The following CLCN2 variants were observed in gnomAD, a reference collection of about 807,000 sequenced individuals.
The protein encoded by CLCN2 is chloride channel protein 2.
CLCN2 carries 72 observed loss-of-function variants against 108.3 expected under a neutral mutation model. The ratio of observed to expected loss-of-function variants is 0.66; its 90% CI spans 0.55 to 0.81. The LOEUF is 0.81. Ranked by LOEUF, CLCN2 falls within the 30% of genes least tolerant of loss-of-function variation. CLCN2 has a pLI of 0.00. For missense variants in CLCN2, 1,048 were observed against 1,205.2 expected (o/e 0.87, Z 1.93); for synonymous variants, 471 against 467.1 (o/e 1.01, Z -0.11).
intron 22 of CLCN2, chr3:184,347,267 G>C (rs1727745894): frequency 1.8e-6 from 1 of 567,700 alleles, no homozygotes; most frequent in Non-Finnish European, 3.2e-6. Context: ...GGAGAAATAG[G>C]ATGGGGGAGT....
rs762541313 is a variant in CLCN2 at position 184,357,982 on chromosome 3, C to T, written c.595G>A (p.Gly199Arg). 1.2e-5 allele frequency: 20 copies of T among 1,613,944 alleles called. No homozygotes were observed. Among genetic ancestry groups the T allele is most frequent in the Middle Eastern group, 1.6e-4 (1 of 6,084 alleles). The change falls in exon 5 of 24, where the codon GGG becomes AGG. Residue 199 changes from glycine (G) to arginine (R), a missense_variant. Transcript: ENST00000265593. ...GTTACCTCTTTGCCAAGCGGCATCC[C>T]GCTGCCTAGGGCGCAGGTCAGCCCA... is the stretch of plus-strand genomic sequence containing the variant. The part of the protein sequence containing the change: ...VIGLTCALGS[G>R]MPLGKEGPFV...
chr3:184,353,931 C>T, intron 15 of CLCN2, 136 bp from the exon 16 acceptor site: 1 of 1,446,838 alleles, frequency 6.9e-7, no homozygotes, highest in South Asian at 1.2e-5. Context: ...GGTGCTCCCA[C>T]CCTTCTTTCT....
intron 10 of CLCN2, chr3:184,356,366 G>A (rs1023446413): frequency 4.2e-5 from 7 of 165,398 alleles, no homozygotes; most frequent in Admixed American, 5.6e-5. Context: ...AATCTCGGCC[G>A]GGCACAGTGG....
rs747184834 is a variant in CLCN2 at position 184,346,617 on chromosome 3, TGTC to T, written c.2683_2685del (p.Asp895del). 1.2e-6 allele frequency: 2 copies of T among 1,614,022 alleles called. No homozygotes were observed. Among genetic ancestry groups the T allele is most frequent in the East Asian group, 4.5e-5 (2 of 44,862 alleles). On this transcript the variant is annotated inframe_deletion, in exon 24 of 24. Transcript: ENST00000265593. This position sits in a 1 kb window ranked among gnomAD's most constrained non-coding sequence, Gnocchi z 6.0. ...CACCCACGAGGGGCTCATTGGCATT[TGTC>T]GTCGCTGTCGGAAGGGCTGCCCTCC... is the stretch of plus-strand genomic sequence containing the variant.
chr3:184,357,813 C>T lies in CLCN2; in HGVS notation c.659G>A (p.Ser220Asn), dbSNP rs1408624169. Residue 220 changes from serine (S) to asparagine (N), a missense_variant, in exon 6 of 24, where the codon AGC (serine) becomes AAC (asparagine). By Grantham distance (46) the Ser-to-Asn change is conservative. Coordinates refer to ENST00000265593, the MANE Select transcript of CLCN2 (RefSeq NM_004366.6). ...HIASMCAALL[S>N]KFLSLFGGIY... ...ACCCCCAAAGAGGGAGAGGAACTTGCTGAGAAGGGCAGCACACATGCTTGC... is the reference window on the plus strand; with the variant it reads ...ACCCCCAAAGAGGGAGAGGAACTTGTTGAGAAGGGCAGCACACATGCTTGC... The T allele has an allele frequency of 1.2e-6, 2 of 1,613,834 alleles. No individual in the cohort carries two copies. The highest frequency in any genetic ancestry group is 2.7e-5 in the African/African-American group (2 of 74,914).
chr3:184,347,107 G>A lies in CLCN2; in HGVS notation c.2416-86C>T, dbSNP rs529487966. 5.3e-6 allele frequency: 6 copies of A among 1,142,462 alleles called. No homozygotes were observed. The Admixed American group carries it at 8.4e-5, about 16-fold the overall frequency. The allele number at this position is 1,142,462 out of a possible 1,614,324, so 70.8% of individuals were successfully genotyped here. A position where few individuals can be genotyped will look rare whatever the true frequency, so the allele number is the denominator to read the frequency against. On this transcript the variant is annotated intron_variant, in intron 22 of 23. Coordinates refer to ENST00000265593, the MANE Select transcript of CLCN2 (RefSeq NM_004366.6). Reference sequence around the variant, plus strand: ...GCCACAGGGGCCCAGGACAAGGTTGGTGTGGAATAGGAGGGGTGCCCCAGA... The same window carrying A: ...GCCACAGGGGCCCAGGACAAGGTTGATGTGGAATAGGAGGGGTGCCCCAGA...
rs1239247798 is a variant in CLCN2, at chr3:184,361,529, G to C, written c.-50C>G. The C allele has an allele frequency of 4.4e-6, 7 of 1,594,808 alleles. No homozygotes were observed. The highest frequency in any genetic ancestry group is 5.1e-6 in the Non-Finnish European group (6 of 1,173,112). On this transcript the variant is annotated 5_prime_UTR_variant, in exon 1 of 24. Transcript: ENST00000265593. This position sits in a 1 kb window ranked among gnomAD's most constrained non-coding sequence, Gnocchi z 6.6. ...CCTCGGCGGTTCCGGCTCTGTCCTG[G>C]ACTCGGCTCCCGGCCCGCAAAGTCC...
chr3:184,354,635 C>G lies in CLCN2; in HGVS notation c.1420G>C (p.Gly474Arg). ...GGGAACCAGGCAGCCATGCTTTCAC[C>G]CACCAGACGCCCAAATGCTGCTCCT... The part of the protein sequence containing the change: ...VIGAAFGRLV[G>R]ESMAAWFPDG... Residue 474 changes from glycine (G) to arginine (R), a missense_variant, in exon 14 of 24, where the codon GGT becomes CGT. Coordinates refer to ENST00000265593, the MANE Select transcript of CLCN2 (RefSeq NM_004366.6). The G allele has an allele frequency of 1.9e-6, 3 of 1,612,052 alleles. No individual in the cohort carries two copies. Among genetic ancestry groups the G allele is most frequent in the Non-Finnish European group, 2.5e-6 (3 of 1,179,730 alleles).
Position 184,353,291 on chromosome 3 carries a change from G to C in CLCN2, c.1987C>G (p.Gln663Glu). The C allele has an allele frequency of 6.2e-7, 1 of 1,613,856 alleles. No homozygotes were observed. The change falls in exon 17 of 24, where the codon CAG becomes GAG. Residue 663 changes from glutamine to glutamate, a missense_variant. By Grantham distance (29) the Gln-to-Glu change is conservative. Transcript: ENST00000265593. ...RATQTSPLSD[Q>E]EGPPTPEASV... is the part of the protein sequence containing the mutation. Reference sequence around the variant, plus strand: ...GCCTCAGGGGTAGGGGGACCCTCCTGATCAGATAGTGGAGAGGTCTGGGTG... The same window carrying C: ...GCCTCAGGGGTAGGGGGACCCTCCTCATCAGATAGTGGAGAGGTCTGGGTG...
At position 184,353,751 on chromosome 3, in the gene CLCN2, G is replaced by A; in HGVS notation, c.1766C>T (p.Pro589Leu). 1.2e-6 allele frequency: 2 copies of A among 1,607,310 alleles called. No individual in the cohort carries two copies. The highest frequency in any genetic ancestry group is 1.7e-6 in the Non-Finnish European group (2 of 1,177,414). The change falls in exon 16 of 24, where the codon CCC (proline) becomes CTC (leucine). Residue 589 changes from proline (P) to leucine (L), a missense_variant. Coordinates refer to ENST00000265593, the MANE Select transcript of CLCN2 (RefSeq NM_004366.6). ...GAAGGTGCAGCTGAGGGCCACATGG[G>A]GAACATCCCGCACCATGATGTCCTC... The part of the protein sequence containing the change: ...RVEDIMVRDV[P>L]HVALSCTFRD...
At chr3:184,352,153 T>C in intron 21 of CLCN2, 36 bp from the exon 22 acceptor site, 2 of 1,593,662 alleles carry the variant, frequency 1.3e-6, no homozygotes, top group Non-Finnish European at 1.7e-6. Context: ...AGGGAGAAGG[T>C]GCCTGTAGCT....
chr3:184,359,487 G>A (rs1711692023), intron 1 of CLCN2, among the ~76,000 whole-genome samples: 1 of 152,318 alleles, frequency 6.6e-6, no homozygotes, highest in African/African-American at 2.4e-5. Context: ...TGGGAGGCGG[G>A]AAGGCCAGGG....
rs193280248 is a variant in CLCN2, at chr3:184,355,185, G to A, written c.1326+189C>T. 945 of 795,232 alleles carry A rather than the reference G, an allele frequency of 1.2e-3. 2 individuals carry two copies. Among genetic ancestry groups the A allele is most frequent in the Middle Eastern group, 1.7e-3 (5 of 2,864 alleles). The allele number at this position is 795,232 out of a possible 1,614,324, so 49.3% of individuals were successfully genotyped here. On this transcript the variant is annotated intron_variant, in intron 12 of 23. Coordinates refer to ENST00000265593, the MANE Select transcript of CLCN2 (RefSeq NM_004366.6). The surrounding 1 kb of genome is among the most constrained non-coding windows in gnomAD (Gnocchi z 6.3). ...GCAGATGGCTTGGGTTCAGATCATC[G>A]CTCTGCCCTCTAGCTGTGTGACTTT...
intron 22 of CLCN2, chr3:184,347,499 A>G (rs1013539806): frequency 3.5e-6 from 1 of 288,456 alleles, no homozygotes; most frequent in Non-Finnish European, 6.7e-6. Context: ...GTCACTTTTC[A>G]TCACACCGGA....
At chr3:184,352,414 C>T (rs764865032) in intron 20 of CLCN2, 29 bp downstream of exon 20, 29 of 1,612,852 alleles carry the variant, frequency 1.8e-5, no homozygotes, top group Non-Finnish European at 2.4e-5. Context: ...CCGGTGCCGC[C>T]GAGATGCTAG....
Position 184,346,804 on chromosome 3 carries a change from G to C in CLCN2, c.2503-4C>G. Reference sequence around the variant, plus strand: ...AGCCCTCGATGGCCTTCCGGAGCTGGAAAGGTGAGAGGGACAGATGTCTGG... The same window carrying C: ...AGCCCTCGATGGCCTTCCGGAGCTGCAAAGGTGAGAGGGACAGATGTCTGG... On this transcript the variant is annotated splice_polypyrimidine_tract_variant and splice_region_variant and intron_variant, in intron 23 of 23. Coordinates refer to ENST00000265593, the MANE Select transcript of CLCN2 (RefSeq NM_004366.6). The surrounding 1 kb of genome is among the most constrained non-coding windows in gnomAD (Gnocchi z 6.0). 6.2e-7 allele frequency: 1 copy of C among 1,614,050 alleles called. No individual in the cohort carries two copies. The highest frequency in any genetic ancestry group is 8.5e-7 in the Non-Finnish European group (1 of 1,180,010).
intron 22 of CLCN2, 136 bp downstream of exon 22, chr3:184,351,877 A>G: frequency 1.3e-6 from 1 of 759,984 alleles, no homozygotes; most frequent in Admixed American, 1.7e-5. Context: ...TATGTCTAAA[A>G]AACATCTCCG....
Position 184,358,900 on chromosome 3 carries a change from C to G in CLCN2, c.220+75G>C, listed in dbSNP as rs116444884. On this transcript the variant is annotated intron_variant, in intron 2 of 23. Coordinates refer to ENST00000265593, the MANE Select transcript of CLCN2 (RefSeq NM_004366.6). The stretch of plus-strand genomic sequence containing the variant: ...GCCCCCTCAACTGTCCCCTCTCCCC[C>G]ATCAGCAGCTCTAATGGCCTCTGCT... 2,117 of 1,613,472 alleles carry G rather than the reference C, an allele frequency of 1.3e-3. 30 individuals carry two copies. The African/African-American group carries it at 0.025, about 19-fold the overall frequency.
Position 184,357,377 on chromosome 3 carries a change from A to C in CLCN2, c.883T>G (p.Trp295Gly), listed in dbSNP as rs1225884177. 6.2e-7 allele frequency: 1 copy of C among 1,614,108 alleles called. No homozygotes were observed. The highest frequency in any genetic ancestry group is 1.7e-5 in the Admixed American group (1 of 60,036). ...GTGCCCCCACCTTCATCCCGGTTCC[A>C]GACTGCCAAGACCCGGAAGATGAAG... The part of the protein sequence containing the change: ...SAFIFRVLAV[W>G]NRDEETITAL... The change falls in exon 8 of 24, where the codon TGG (tryptophan) becomes GGG (glycine). Residue 295 changes from tryptophan (W) to glycine (G), a missense_variant. Coordinates refer to ENST00000265593, the MANE Select transcript of CLCN2 (RefSeq NM_004366.6).
Sources: allele counts gnomAD v4.1 joint callset (sites outside exome capture counted in the v4.1 genomes callset), GRCh38; gene constraint gnomAD v4.1.1; non-coding constraint Gnocchi (gnomAD v3.1); transcripts MANE v1.5; gene names NCBI Gene and HGNC (gene_info 2026-07-23, HGNC 2026-07-21).